Variants in MARK3 observed in about 807,000 individuals in gnomAD.
The protein encoded by MARK3 is MAP/microtubule affinity-regulating kinase 3.
A neutral mutation model predicts 90.1 loss-of-function variants in MARK3; 46 were observed. That is an observed-to-expected ratio of 0.51 (90% CI 0.40 to 0.65). MARK3 has a LOEUF of 0.65. Ranked by LOEUF, MARK3 falls within the 30% of genes least tolerant of loss-of-function variation. The probability of loss-of-function intolerance (pLI) is 0.00; values close to 1 mark genes in which losing one functional copy is unlikely to be tolerated. For synonymous variants in MARK3, 321 were observed against 332.6 expected (o/e 0.97, Z 0.38); for missense variants, 818 against 947.2 (o/e 0.86, Z 1.79).
intron 1 of MARK3, among the ~76,000 whole-genome samples, chr14:103,394,195 G>GA (rs1268543218): frequency 1.3e-5 from 2 of 152,144 alleles, no homozygotes; most frequent in Non-Finnish European, 2.9e-5. Flanking sequence ...TCACCACTGG[G>GA]AGGACTAAAG....
chr14:103,496,966 C>T lies in MARK3; in HGVS notation c.1845-1536C>T, dbSNP rs182839444. On this transcript the variant is annotated intron_variant, in intron 15 of 17. Coordinates refer to ENST00000429436, the MANE Select transcript of MARK3 (RefSeq NM_001128918.3). Reference sequence around the variant, plus strand: ...CTGAGGCAGGAGGATTGCTCAAACCCAGGAGTTTGAGGTTACAGTGAGCTA... The same window carrying T: ...CTGAGGCAGGAGGATTGCTCAAACCTAGGAGTTTGAGGTTACAGTGAGCTA... Among the ~76,000 whole-genome samples the T allele has an allele frequency of 4.3e-3, 659 of 152,226 alleles. 17 individuals carry two copies. Among genetic ancestry groups the T allele is most frequent in the Admixed American group, 0.019 (297 of 15,290 alleles).
chr14:103,444,361 A>T (rs1472785712), intron 3 of MARK3, among the ~76,000 whole-genome samples: 1 of 152,194 alleles, frequency 6.6e-6, no homozygotes, highest in Admixed American at 6.5e-5. Flanking sequence ...TGTGGAGGAT[A>T]TAGATTGATC....
intron 6 of MARK3, among the ~76,000 whole-genome samples, chr14:103,461,506 A>G (rs1056706388): frequency 1.3e-5 from 2 of 152,224 alleles, no homozygotes; most frequent in Non-Finnish European, 2.9e-5. Context: ...AGTAGTTTTC[A>G]TAGTTCACGT....
intron 2 of MARK3, among the ~76,000 whole-genome samples, chr14:103,407,421 C>T (rs2140738719): frequency 6.6e-6 from 1 of 152,264 alleles, no homozygotes; most frequent in South Asian, 2.1e-4. Context: ...TAGGAAGGCA[C>T]ATACTTTCCT....
chr14:103,410,183 C>G (rs531900932), intron 2 of MARK3, among the ~76,000 whole-genome samples: 13 of 152,212 alleles, frequency 8.5e-5, no homozygotes, highest in Non-Finnish European at 1.6e-4. Flanking sequence ...AAATTTATTT[C>G]TTACAATTGT....
chr14:103,396,276 T>C (rs981570454), intron 1 of MARK3, among the ~76,000 whole-genome samples: 1 of 152,200 alleles, frequency 6.6e-6, no homozygotes, highest in Non-Finnish European at 1.5e-5. Flanking sequence ...CTTTTGAGAG[T>C]TCTATAATAC....
chr14:103,463,536 A>G (rs2141536133), intron 7 of MARK3, among the ~76,000 whole-genome samples: 1 of 152,256 alleles, frequency 6.6e-6, no homozygotes, highest in South Asian at 2.1e-4. Flanking sequence ...ATGTCCCTCA[A>G]GTACCTTACT....
intron 1 of MARK3, among the ~76,000 whole-genome samples, chr14:103,399,445 C>A (rs1393538212): frequency 6.6e-6 from 1 of 152,044 alleles, no homozygotes; most frequent in African/African-American, 2.4e-5. Context: ...TGCGGTGGCT[C>A]ACACCTGTAA....
At chr14:103,422,856 TTGAATCGTA>T (rs2092271818) in intron 2 of MARK3, among the ~76,000 whole-genome samples, 1 of 152,210 alleles carries the variant, frequency 6.6e-6, no homozygotes, top group Non-Finnish European at 1.5e-5. Flanking sequence ...TTGCTATGGA[TTGAATCGTA>T]TGCCTCAAAA....
intron 1 of MARK3, among the ~76,000 whole-genome samples, chr14:103,391,708 T>TA (rs2090259924): frequency 1.3e-5 from 1 of 74,180 alleles, no homozygotes; most frequent in Admixed American, 2.0e-4. Flanking sequence ...CATGCCTGGC[T>TA]ATTTTTTTTT....
At chr14:103,423,749 C>G (rs117163127) in intron 2 of MARK3, among the ~76,000 whole-genome samples, 1 of 152,172 alleles carries the variant, frequency 6.6e-6, no homozygotes, top group African/African-American at 2.4e-5. Flanking sequence ...CCTTGCTGCA[C>G]GTACACATGT....
At chr14:103,499,886 G>A (rs1358684422) in intron 16 of MARK3, 21 of 490,560 alleles carry the variant, frequency 4.3e-5, no homozygotes, top group African/African-American at 2.5e-4. Flanking sequence ...AGTGTGCAGC[G>A]TGCAGCGGTA....
At position 103,472,572 on chromosome 14, in the gene MARK3, G is replaced by A. The variant is rs1348232790; in HGVS notation, c.1265-2421G>A. Among the ~76,000 whole-genome samples the A allele has an allele frequency of 4.7e-5, 7 of 150,300 alleles. No homozygotes were observed. The Admixed American group carries it at 4.7e-4, about 10-fold the overall frequency. ...TGAGGCAGGAGAATGGCGTGAACCT[G>A]GGAGGTGGAGCTTGCAGTGAGCCAA... On this transcript the variant is annotated intron_variant, in intron 12 of 17. Coordinates refer to ENST00000429436, the MANE Select transcript of MARK3 (RefSeq NM_001128918.3).
In MARK3 at chr14:103,391,663, C is replaced by T. The variant is rs111319811; in HGVS notation, c.51+5583C>T. On this transcript the variant is annotated intron_variant, in intron 1 of 17. Transcript: ENST00000429436. ...GGGTTCAAGCGATTGTCGTGCGCAG[C>T]CTCCCGAGTAGCTGGGATTACAGGC... is the stretch of plus-strand genomic sequence containing the variant. 9.8e-3 allele frequency among the ~76,000 whole-genome samples: 1,473 copies of T among 150,378 alleles called. 32 individuals are homozygous for T. The highest frequency in any genetic ancestry group is 0.034 in the African/African-American group (1,401 of 40,832).
intron 3 of MARK3, among the ~76,000 whole-genome samples, chr14:103,442,953 C>CCG (rs1279721087): frequency 1.4e-5 from 2 of 147,430 alleles, no homozygotes; most frequent in African/African-American, 5.0e-5. Flanking sequence ...CCCCCCCCCT[C>CCG]CCACCGACAA....
At chr14:103,422,642 A>G (rs1252085150) in intron 2 of MARK3, among the ~76,000 whole-genome samples, 1 of 152,090 alleles carries the variant, frequency 6.6e-6, no homozygotes, top group Non-Finnish European at 1.5e-5. Flanking sequence ...CACCTCCTCA[A>G]GTGAACCACT....
At chr14:103,408,475 C>T (rs1183867591) in intron 2 of MARK3, among the ~76,000 whole-genome samples, 1 of 152,234 alleles carries the variant, frequency 6.6e-6, no homozygotes, top group Non-Finnish European at 1.5e-5. Context: ...AGGCGTGAGC[C>T]ACCATGCCTG....
At chr14:103,446,970 A>G (rs750804805) in intron 3 of MARK3, among the ~76,000 whole-genome samples, 5 of 152,278 alleles carry the variant, frequency 3.3e-5, no homozygotes, top group African/African-American at 4.8e-5. Context: ...TTGGGTGACT[A>G]TCTTCTCATC....
intron 5 of MARK3, among the ~76,000 whole-genome samples, chr14:103,453,496 G>A (rs528596844): frequency 4.6e-5 from 7 of 152,174 alleles, no homozygotes; most frequent in Non-Finnish European, 1.0e-4. Flanking sequence ...TAAAAAGATT[G>A]TAAACCTGTT....
Sources: gnomAD v4.1 joint callset for allele counts (sites outside exome capture counted in the v4.1 genomes callset) on GRCh38, gnomAD v4.1.1 for gene constraint, MANE v1.5 for transcripts, NCBI Gene and HGNC (gene_info 2026-07-23, HGNC 2026-07-21) for gene names.